ABCC12: variants seen among roughly 807,000 people sequenced by gnomAD.
ABCC12 encodes the protein ATP-binding cassette sub-family C member 12.
Under a neutral mutation model 151.1 loss-of-function variants are expected in ABCC12, and 142 were observed. The ratio of observed to expected loss-of-function variants is 0.94; its 90% CI spans 0.82 to 1.08. ABCC12 has a LOEUF of 1.08. Ranked by LOEUF, ABCC12 falls within the 50% of genes least tolerant of loss-of-function variation. The probability of loss-of-function intolerance (pLI) is 0.00; values close to 1 mark genes in which losing one functional copy is unlikely to be tolerated. For missense variants in ABCC12, 1,638 were observed against 1,691.1 expected (o/e 0.97, Z 0.55); for synonymous variants, 645 against 646.4 (o/e 1.00, Z 0.03).
chr16:48,081,004 G>A lies in ABCC12; in HGVS notation c.*2711C>T, dbSNP rs1452078368. On this transcript the variant is annotated 3_prime_UTR_variant, in exon 31 of 31. Transcript: ENST00000311303. ...TCCTCACAGATGATGCCTTCTATGT[G>A]TCCTCACATGGAGGAAGGGGTGAAC... Among the ~76,000 whole-genome samples the A allele has an allele frequency of 6.6e-6, 1 of 152,144 alleles. No individual in the cohort carries two copies. Among genetic ancestry groups the A allele is most frequent in the Non-Finnish European group, 1.5e-5 (1 of 68,026 alleles).
intron 14 of ABCC12, 51 bp from the exon 15 acceptor site, chr16:48,115,669 T>C (rs967242412): frequency 1.9e-6 from 3 of 1,549,842 alleles, no homozygotes; most frequent in Non-Finnish European, 2.6e-6. Flanking sequence ...CCTGAAGTTC[T>C]TGGGCAATGG....
At chr16:48,097,968 T>G (rs1286394546) in intron 23 of ABCC12, among the ~76,000 whole-genome samples, 1 of 152,148 alleles carries the variant, frequency 6.6e-6, no homozygotes, top group Non-Finnish European at 1.5e-5. Flanking sequence ...AAGGATGTGT[T>G]CTTCCTGCTG....
chr16:48,104,258 C>G lies in ABCC12; in HGVS notation c.2784G>C (p.Glu928Asp). 6.2e-7 allele frequency: 1 copy of G among 1,614,256 alleles called. No individual in the cohort carries two copies. The highest frequency in any genetic ancestry group is 1.6e-4 in the Middle Eastern group (1 of 6,062). Residue 928 changes from glutamate (E) to aspartate (D), a missense_variant, in exon 22 of 31, where the codon GAG (glutamate) becomes GAC (aspartate). Transcript: ENST00000311303. ...CCATAAAAAACTGCTGCAGAAAGTT[C>G]TCTGCGTGAAACGGCAGCCTCACAT... The part of the protein sequence containing the change: ...ELDVRLPFHA[E>D]NFLQQFFMVV...
intron 3 of ABCC12, among the ~76,000 whole-genome samples, chr16:48,145,421 G>A (rs1567458848): frequency 6.6e-6 from 1 of 152,182 alleles, no homozygotes; most frequent in Non-Finnish European, 1.5e-5. Flanking sequence ...GACTACCTGA[G>A]TTTCTATCCT....
In ABCC12 at chr16:48,105,152, G is replaced by A. The variant is rs146498624; in HGVS notation, c.2660C>T (p.Thr887Met). 210 of 1,614,158 alleles carry A rather than the reference G, an allele frequency of 1.3e-4. No individual in the cohort carries two copies. In the African/African-American group the frequency reaches 1.8e-3, roughly 14 times the overall value. ...TTGTGGCCCTACCTTATCAAACACC[G>A]TGTCATGCAGAGAGGAGGATGCCAT... ...TLMASSSLHD[T>M]VFDKILKSPM... Residue 887 changes from threonine (T) to methionine (M), a missense_variant, in exon 21 of 31, where the codon ACG (threonine) becomes ATG (methionine). By Grantham distance (81) the Thr-to-Met change is moderately conservative. Coordinates refer to ENST00000311303, the MANE Select transcript of ABCC12 (RefSeq NM_001393797.1).
intron 29 of ABCC12, 69 bp downstream of exon 29, chr16:48,085,524 C>T: frequency 1.5e-6 from 2 of 1,343,870 alleles, no homozygotes; most frequent in South Asian, 1.2e-5. Flanking sequence ...CGTGGCTCTG[C>T]CTCCTGGATT....
chr16:48,141,144 T>G, intron 5 of ABCC12, 62 bp downstream of exon 5: 2 of 1,590,598 alleles, frequency 1.3e-6, no homozygotes, highest in East Asian at 2.3e-5. Flanking sequence ...AGAAAGTAAC[T>G]AATGACATTC....
intron 6 of ABCC12, among the ~76,000 whole-genome samples, chr16:48,140,155 C>A (rs1964755444): frequency 6.6e-6 from 1 of 152,106 alleles, no homozygotes; most frequent in South Asian, 2.1e-4. Flanking sequence ...TACCCCACAC[C>A]ACCTGGGGTT....
intron 12 of ABCC12, among the ~76,000 whole-genome samples, chr16:48,123,485 C>A (rs2150640963): frequency 6.6e-6 from 1 of 152,314 alleles, no homozygotes; most frequent in Non-Finnish European, 1.5e-5. Context: ...CCCCACCACC[C>A]TATTCTGGAG....
intron 19 of ABCC12, 91 bp downstream of exon 19, chr16:48,108,349 T>C (rs1963569501): frequency 8.2e-7 from 1 of 1,221,100 alleles, no homozygotes; most frequent in African/African-American, 1.5e-5. Flanking sequence ...AGAATAATTG[T>C]TAAAGAAATC....
chr16:48,144,131 T>C, intron 3 of ABCC12, 66 bp from the exon 4 acceptor site: 1 of 1,546,090 alleles, frequency 6.5e-7, no homozygotes. Flanking sequence ...TCTCTCTGGA[T>C]TGAACTTGTA....
intron 11 of ABCC12, among the ~76,000 whole-genome samples, chr16:48,126,938 G>A (rs1441812717): frequency 1.3e-5 from 2 of 152,198 alleles, no homozygotes; most frequent in Non-Finnish European, 2.9e-5. Flanking sequence ...AACACGGGAA[G>A]TTCACGGAGG....
chr16:48,119,477 A>C (rs1963997199), intron 13 of ABCC12, among the ~76,000 whole-genome samples: 1 of 152,276 alleles, frequency 6.6e-6, no homozygotes, highest in Non-Finnish European at 1.5e-5. Flanking sequence ...CCACAGACAG[A>C]GAAGGCATTC....
Position 48,096,792 on chromosome 16 carries a change from G to T in ABCC12, c.3149C>A (p.Ser1050Tyr). Reference protein sequence around the residue: ...VALLVTLSFSSISTSSKGLSL... With the variant: ...VALLVTLSFSYISTSSKGLSL... Reference sequence around the variant, plus strand: ...CAGGCCTTTGGATGAAGTACTGATGGAGGAGAAACTCAGGGTCACCAACAA... The same window carrying T: ...CAGGCCTTTGGATGAAGTACTGATGTAGGAGAAACTCAGGGTCACCAACAA... Residue 1050 changes from serine to tyrosine, a missense_variant, in exon 24 of 31, where the codon TCC becomes TAC. Physicochemically the swap from Ser to Tyr is moderately radical, Grantham distance 144. Transcript: ENST00000311303. 6.2e-7 allele frequency: 1 copy of T among 1,614,102 alleles called. No individual in the cohort carries two copies. The highest frequency in any genetic ancestry group is 8.5e-7 in the Non-Finnish European group (1 of 1,179,958).
intron 3 of ABCC12, among the ~76,000 whole-genome samples, chr16:48,145,764 A>C (rs573138824): frequency 3.0e-4 from 45 of 152,372 alleles, no homozygotes; most frequent in Non-Finnish European, 5.0e-4. Flanking sequence ...CACCTCCAGC[A>C]GCACAGCCAC....
chr16:48,099,643 A>G (rs1597305582), intron 23 of ABCC12, among the ~76,000 whole-genome samples: 1 of 152,176 alleles, frequency 6.6e-6, no homozygotes, highest in South Asian at 2.1e-4. Context: ...TGTGACTCCA[A>G]TGTGGCCAAG....
intron 1 of ABCC12, among the ~76,000 whole-genome samples, chr16:48,155,566 C>T (rs1468069622): frequency 6.6e-6 from 1 of 152,024 alleles, no homozygotes; most frequent in African/African-American, 2.4e-5. Flanking sequence ...TTTTGTATTT[C>T]AGAGATTTTG....
chr16:48,118,212 C>A (rs1308846109), intron 13 of ABCC12, among the ~76,000 whole-genome samples: 1 of 152,204 alleles, frequency 6.6e-6, no homozygotes, highest in South Asian at 2.1e-4. Flanking sequence ...CTTCTGGCAC[C>A]GAGGAACCTA....
At chr16:48,085,409 A>C (rs901388315) in intron 29 of ABCC12, among the ~76,000 whole-genome samples, 184 bp downstream of exon 29, 2 of 152,180 alleles carry the variant, frequency 1.3e-5, no homozygotes, top group Non-Finnish European at 2.9e-5. Context: ...CTCTTGCTGT[A>C]AATGGCTGTT....
Sources: allele counts gnomAD v4.1 joint callset (sites outside exome capture counted in the v4.1 genomes callset), GRCh38; gene constraint gnomAD v4.1.1; transcripts MANE v1.5; gene names NCBI Gene and HGNC (gene_info 2026-07-23, HGNC 2026-07-21).